SUGCT: variants seen among roughly 807,000 people sequenced by gnomAD.
SUGCT encodes succinyl-CoA:glutarate-CoA transferase.
A neutral mutation model predicts 55.0 loss-of-function variants in SUGCT; 41 were observed. That is an observed-to-expected ratio of 0.74 (90% CI 0.58 to 0.97). The LOEUF (loss-of-function observed/expected upper bound fraction) is 0.97. Among genes scored for constraint, SUGCT ranks in the 50% least tolerant of loss-of-function variants. The probability of loss-of-function intolerance (pLI) is 0.00; values close to 1 mark genes in which losing one functional copy is unlikely to be tolerated. For missense variants in SUGCT, 568 were observed against 547.8 expected (o/e 1.04, Z -0.37); for synonymous variants, 187 against 200.4 (o/e 0.93, Z 0.56).
intron 6 of SUGCT, among the ~76,000 whole-genome samples, chr7:40,233,235 T>A (rs1217427941): frequency 6.6e-6 from 1 of 151,994 alleles, no homozygotes; most frequent in African/African-American, 2.4e-5. Flanking sequence ...TATTATTATT[T>A]TTGAGATGGA....
chr7:40,901,654 CAT>C, the SUGCT span, among the ~76,000 whole-genome samples: 1 of 152,074 alleles, frequency 6.6e-6, no homozygotes, highest in Non-Finnish European at 1.5e-5. Context: ...TTTCTTGGCA[CAT>C]AGATCCCAAA....
At chr7:40,446,790 T>C (rs1229487539) in intron 9 of SUGCT, among the ~76,000 whole-genome samples, 3 of 152,138 alleles carry the variant, frequency 2.0e-5, no homozygotes, top group African/African-American at 2.4e-5. Flanking sequence ...ATCTCCCAGT[T>C]CCACTCTACC....
chr7:40,637,927 T>C (rs1426512501), intron 12 of SUGCT, among the ~76,000 whole-genome samples: 1 of 152,242 alleles, frequency 6.6e-6, no homozygotes, highest in Non-Finnish European at 1.5e-5. Context: ...TAATGACTTG[T>C]ACAGAGTATT....
At chr7:40,672,674 C>CA (rs772712152) in intron 12 of SUGCT, among the ~76,000 whole-genome samples, 3 of 152,148 alleles carry the variant, frequency 2.0e-5, no homozygotes, top group Non-Finnish European at 4.4e-5. Context: ...TCAACATCCT[C>CA]ACTGTGAGAC....
chr7:40,210,104 G>C (rs899076565), intron 6 of SUGCT, among the ~76,000 whole-genome samples: 2 of 151,886 alleles, frequency 1.3e-5, no homozygotes, highest in Non-Finnish European at 2.9e-5. Context: ...TTGAGACAGA[G>C]TCTTGCTCTG....
chr7:40,350,320 ATTTATTTAT>A (rs989450841), intron 9 of SUGCT, among the ~76,000 whole-genome samples: 11 of 136,974 alleles, frequency 8.0e-5, no homozygotes, highest in African/African-American at 3.1e-4. Flanking sequence ...TTATTTATTT[ATTTATTTAT>A]TTTTAAGAGA....
At chr7:40,409,447 A>T (rs1215804349) in intron 9 of SUGCT, among the ~76,000 whole-genome samples, 1 of 151,538 alleles carries the variant, frequency 6.6e-6, no homozygotes, top group Non-Finnish European at 1.5e-5. Context: ...TTTTGTAGAG[A>T]TGGGGTCTCA....
At chr7:40,158,265 G>A (rs976201254) in intron 1 of SUGCT, among the ~76,000 whole-genome samples, 3 of 152,052 alleles carry the variant, frequency 2.0e-5, no homozygotes, top group African/African-American at 7.2e-5. Flanking sequence ...CAAGAGAAAT[G>A]TTTTATACAT....
At chr7:40,933,939 A>G in the SUGCT span, among the ~76,000 whole-genome samples, 1 of 152,042 alleles carries the variant, frequency 6.6e-6, no homozygotes, top group Non-Finnish European at 1.5e-5. Flanking sequence ...ACTTCTCTCA[A>G]CTCATCAAAG....
chr7:40,262,097 T>C (rs1584495797), intron 7 of SUGCT, among the ~76,000 whole-genome samples: 1 of 152,284 alleles, frequency 6.6e-6, no homozygotes. Flanking sequence ...TTTCAGTCAG[T>C]AGACAAGAAA....
chr7:40,694,692 G>C (rs1002044869), intron 12 of SUGCT, among the ~76,000 whole-genome samples: 11 of 152,142 alleles, frequency 7.2e-5, no homozygotes, highest in African/African-American at 2.7e-4. Flanking sequence ...AAGTCAATGA[G>C]AAAGATACAA....
At chr7:41,006,422 C>A in the SUGCT span, among the ~76,000 whole-genome samples, 1 of 151,996 alleles carries the variant, frequency 6.6e-6, no homozygotes, top group Non-Finnish European at 1.5e-5. Flanking sequence ...TTTGAAAGAG[C>A]TACTTGAGTG....
the SUGCT span, among the ~76,000 whole-genome samples, chr7:40,891,839 C>T: frequency 2.0e-5 from 3 of 152,020 alleles, no homozygotes; most frequent in African/African-American, 4.8e-5. Context: ...GAAAGGCTGT[C>T]TCTACTAAAA....
At chr7:40,366,516 C>G (rs1419430531) in intron 9 of SUGCT, among the ~76,000 whole-genome samples, 1 of 152,150 alleles carries the variant, frequency 6.6e-6, no homozygotes, top group African/African-American at 2.4e-5. Context: ...ACCTACTCAT[C>G]TGACAAAGGG....
chr7:40,382,566 C>T (rs1784924175), intron 9 of SUGCT, among the ~76,000 whole-genome samples: 1 of 152,120 alleles, frequency 6.6e-6, no homozygotes, highest in South Asian at 2.1e-4. Context: ...AAGCTCTTAC[C>T]TTTAACTCAT....
chr7:40,667,106 C>CA (rs58790754), intron 12 of SUGCT, among the ~76,000 whole-genome samples: 18,238 of 98,176 alleles, frequency 0.19, 2,055 homozygotes, highest in African/African-American at 0.37. Context: ...GATCCTATCT[C>CA]AAAAAAAAAA....
At chr7:40,467,535 T>TA (rs1230465257) in intron 11 of SUGCT, among the ~76,000 whole-genome samples, 2 of 152,224 alleles carry the variant, frequency 1.3e-5, no homozygotes, top group Non-Finnish European at 2.9e-5. Flanking sequence ...TACTAGGTCT[T>TA]ATTCATTCTT....
intron 13 of SUGCT, among the ~76,000 whole-genome samples, chr7:40,838,899 T>C (rs577264814): frequency 1.6e-3 from 242 of 152,148 alleles, no homozygotes; most frequent in African/African-American, 5.6e-3. Flanking sequence ...CTTTTTAGTT[T>C]TTTATGAAGT....
At chr7:40,378,201 TCTC>T (rs1223982980) in intron 9 of SUGCT, among the ~76,000 whole-genome samples, 2 of 149,214 alleles carry the variant, frequency 1.3e-5, no homozygotes, top group African/African-American at 4.9e-5. Flanking sequence ...GTCCTCCTCT[TCTC>T]CTCCTTCTCT....
Sources: allele counts gnomAD v4.1 joint callset (sites outside exome capture counted in the v4.1 genomes callset), GRCh38; gene constraint gnomAD v4.1.1; transcripts MANE v1.5; gene names NCBI Gene and HGNC (gene_info 2026-07-23, HGNC 2026-07-21).